Variants in CFAP221 observed in about 807,000 individuals in gnomAD.
CFAP221 encodes the protein cilia- and flagella-associated protein 221.
Under a neutral mutation model 113.1 loss-of-function variants are expected in CFAP221, and 97 were observed. The ratio of observed to expected loss-of-function variants is 0.86; its 90% confidence interval spans 0.73 to 1.02. The LOEUF (loss-of-function observed/expected upper bound fraction) is 1.02. CFAP221 is among the 50% of genes least tolerant of loss of function. The pLI is 0.00. For missense variants in CFAP221, 1,025 were observed against 1,013.4 expected (o/e 1.01, Z -0.16); for synonymous variants, 331 against 354.4 (o/e 0.93, Z 0.74).
At chr2:119,599,938 G>T (rs773324069) in intron 7 of CFAP221, among the ~76,000 whole-genome samples, 5 of 152,164 alleles carry the variant, frequency 3.3e-5, no homozygotes, top group Admixed American at 6.5e-5. Flanking sequence ...AAAGGCCCAT[G>T]TGGTTGGGCG....
At chr2:119,617,634 A>G (rs1291170230) in intron 14 of CFAP221, among the ~76,000 whole-genome samples, 4 of 152,162 alleles carry the variant, frequency 2.6e-5, no homozygotes. Context: ...TCGCCAGCCA[A>G]TTCTTTGCCT....
chr2:119,638,507 C>T (rs1269658477), intron 20 of CFAP221, 90 bp downstream of exon 20: 15 of 1,497,854 alleles, frequency 1.0e-5, no homozygotes, highest in Non-Finnish European at 1.4e-5. Flanking sequence ...GGAATTGCGA[C>T]AAAGGTTTGC....
chr2:119,630,442 C>T (rs1686686322), intron 17 of CFAP221, 128 bp from the exon 18 acceptor site: 1 of 687,422 alleles, frequency 1.5e-6, no homozygotes, highest in South Asian at 2.0e-5. Context: ...TAGCCACAAT[C>T]CGATGACTAC....
At chr2:119,637,811 G>A (rs1432176799) in intron 19 of CFAP221, among the ~76,000 whole-genome samples, 7 of 152,048 alleles carry the variant, frequency 4.6e-5, no homozygotes. Context: ...CTGATACATC[G>A]AATGTCATCC....
At chr2:119,544,790 G>A (rs1284015932) in intron 1 of CFAP221, among the ~76,000 whole-genome samples, 1 of 152,118 alleles carries the variant, frequency 6.6e-6, no homozygotes, top group Non-Finnish European at 1.5e-5. Context: ...GTGAGAGAAT[G>A]GGGCGAGGGA....
intron 6 of CFAP221, 67 bp downstream of exon 6, chr2:119,562,181 T>C: frequency 8.7e-7 from 1 of 1,146,270 alleles, no homozygotes; most frequent in Non-Finnish European, 1.2e-6. Context: ...ATACAAAACC[T>C]TAGACTTTTG....
chr2:119,559,683 TCCC>T lies in CFAP221; in HGVS notation c.241-5_241-3del. The T allele has an allele frequency of 6.6e-7, 1 of 1,521,010 alleles. No individual in the cohort carries two copies. Among genetic ancestry groups the T allele is most frequent in the Non-Finnish European group, 8.8e-7 (1 of 1,133,240 alleles). 94.2% of individuals were successfully genotyped at this position (1,521,010 alleles called of 1,614,324 possible). A position where few individuals can be genotyped will look rare whatever the true frequency, so the allele number is the denominator to read the frequency against. ...TTTCCTCTAAATACTTCTTTTTCTC[TCCC>T]AGCATCTGGTCAATGTTTCCAATGA... On this transcript the variant is annotated splice_polypyrimidine_tract_variant and splice_region_variant and intron_variant, in intron 3 of 23. Coordinates refer to ENST00000413369, the MANE Select transcript of CFAP221 (RefSeq NM_001271049.2).
Position 119,562,063 on chromosome 2 carries a change from C to T in CFAP221, c.476C>T (p.Ser159Leu), listed in dbSNP as rs1248098005. 5.9e-6 allele frequency: 9 copies of T among 1,535,390 alleles called. No individual in the cohort carries two copies. The highest frequency in any genetic ancestry group is 7.8e-6 in the Non-Finnish European group (9 of 1,146,618). The change falls in exon 6 of 24, where the codon TCA becomes TTA. Residue 159 changes from serine to leucine, a missense_variant. By Grantham distance (145) the Ser-to-Leu change is moderately radical. Coordinates refer to ENST00000413369, the MANE Select transcript of CFAP221 (RefSeq NM_001271049.2). Reference protein sequence around the residue: ...VPIHAYPVMNSLDFPSFINLS... With the variant: ...VPIHAYPVMNLLDFPSFINLS... ...ATTCATGCCTATCCAGTCATGAACT[C>T]ACTAGACTTTCCTTCATTTATAAAT...
At chr2:119,582,483 C>A (rs565189840) in intron 6 of CFAP221, among the ~76,000 whole-genome samples, 88 of 149,982 alleles carry the variant, frequency 5.9e-4, no homozygotes, top group Non-Finnish European at 1.0e-3. Flanking sequence ...TTGACAGGGC[C>A]TGTGCTCTGT....
chr2:119,609,245 C>A (rs1437433225), intron 12 of CFAP221, among the ~76,000 whole-genome samples: 1 of 152,168 alleles, frequency 6.6e-6, no homozygotes, highest in Non-Finnish European at 1.5e-5. Context: ...ACAGGATACA[C>A]ATGGGCCAGA....
chr2:119,557,847 A>G (rs1046275729), intron 3 of CFAP221, among the ~76,000 whole-genome samples: 4 of 151,888 alleles, frequency 2.6e-5, no homozygotes, highest in Admixed American at 2.0e-4. Flanking sequence ...TACTAAAAAT[A>G]CAAAAGTTAG....
At chr2:119,578,901 G>T (rs1304109198) in intron 6 of CFAP221, among the ~76,000 whole-genome samples, 1 of 152,054 alleles carries the variant, frequency 6.6e-6, no homozygotes, top group Non-Finnish European at 1.5e-5. Context: ...GTAAGTTCAA[G>T]ATCATTTGTT....
At chr2:119,644,720 T>C (rs1687692871) in intron 21 of CFAP221, among the ~76,000 whole-genome samples, 2 of 152,222 alleles carry the variant, frequency 1.3e-5, no homozygotes, top group South Asian at 2.1e-4. Context: ...TACATATATA[T>C]GTAATGTATG....
At chr2:119,597,431 G>A (rs6756018) in intron 7 of CFAP221, among the ~76,000 whole-genome samples, 28,368 of 152,090 alleles carry the variant, frequency 0.19, 3,227 homozygotes, top group African/African-American at 0.33. Context: ...GCTAGAATGT[G>A]GATGATTTTA....
At position 119,598,277 on chromosome 2, in the gene CFAP221, T is replaced by C. The variant is rs190808313; in HGVS notation, c.632-2941T>C. Among the ~76,000 whole-genome samples the C allele has an allele frequency of 7.2e-5, 11 of 152,372 alleles. No individual in the cohort carries two copies. The East Asian group carries it at 1.3e-3, about 19-fold the overall frequency. The stretch of plus-strand genomic sequence containing the variant: ...AGTAATGTGCTTTTGTTTTTCTGTC[T>C]CCTTTTAATAACTTTTCATACTTTT... On this transcript the variant is annotated intron_variant, in intron 7 of 23. Transcript: ENST00000413369.
Position 119,605,255 on chromosome 2 carries a change from G to T in CFAP221, c.1099G>T (p.Asp367Tyr), listed in dbSNP as rs373961421. The part of the protein sequence containing the change: ...EALFEQKVRQ[D>Y]IHEEMENHLK... ...ACTCTTTGAACAGAAAGTCAGACAG[G>T]ACATTCACGAAGAGATGGAAAATCA... Residue 367 changes from aspartate to tyrosine, a missense_variant, in exon 11 of 24, where the codon GAC becomes TAC. Transcript: ENST00000413369. The T allele has an allele frequency of 6.2e-7, 1 of 1,614,008 alleles. No homozygotes were observed. Among genetic ancestry groups the T allele is most frequent in the Non-Finnish European group, 8.5e-7 (1 of 1,179,980 alleles).
At chr2:119,652,890 C>A (rs1433428399) in intron 23 of CFAP221, among the ~76,000 whole-genome samples, 2 of 149,128 alleles carry the variant, frequency 1.3e-5, no homozygotes. Context: ...AAACAACCAT[C>A]CAAAGGTAGT....
chr2:119,582,363 A>G (rs184702197), intron 6 of CFAP221, among the ~76,000 whole-genome samples: 4 of 152,300 alleles, frequency 2.6e-5, no homozygotes, highest in South Asian at 4.1e-4. Flanking sequence ...AGAGTCTTCA[A>G]TAGGCAGGTA....
chr2:119,601,428 T>C, intron 8 of CFAP221, 51 bp downstream of exon 8: 2 of 1,399,866 alleles, frequency 1.4e-6, no homozygotes, highest in South Asian at 1.6e-5. Flanking sequence ...TTTTTGAAAA[T>C]CCAAGTCTTC....
Sources: gnomAD v4.1 joint callset for allele counts (sites outside exome capture counted in the v4.1 genomes callset) on GRCh38, gnomAD v4.1.1 for gene constraint, MANE v1.5 for transcripts, NCBI Gene and HGNC (gene_info 2026-07-23, HGNC 2026-07-21) for gene names.